LRRC4C: variants seen among roughly 807,000 people sequenced by gnomAD.
LRRC4C encodes leucine-rich repeat-containing protein 4C.
In LRRC4C, 5 loss-of-function variants were observed where a neutral mutation model predicts 33.6. That is an observed-to-expected ratio of 0.15 (90% CI 0.08 to 0.31). LRRC4C has a LOEUF of 0.31. Among genes scored for constraint, LRRC4C ranks in the 10% least tolerant of loss-of-function variants. The pLI is 1.00. For missense variants in LRRC4C, 560 were observed against 796.7 expected (o/e 0.70, Z 3.58); for synonymous variants, 329 against 302.0 (o/e 1.09, Z -0.93).
At chr11:40,672,947 C>T in intron 2 of LRRC4C, among the ~76,000 whole-genome samples, 1 of 151,810 alleles carries the variant, frequency 6.6e-6, no homozygotes, top group South Asian at 2.1e-4. Flanking sequence ...AAAAAATCTC[C>T]TAATTTTGTG....
At chr11:40,560,007 T>C (rs2135499133) in intron 3 of LRRC4C, among the ~76,000 whole-genome samples, 1 of 152,282 alleles carries the variant, frequency 6.6e-6, no homozygotes, top group East Asian at 1.9e-4. Context: ...TTGATCTTCT[T>C]AGAGTAACAG....
chr11:40,307,215 C>A (rs1175408503), intron 4 of LRRC4C, among the ~76,000 whole-genome samples: 1 of 151,986 alleles, frequency 6.6e-6, no homozygotes, highest in Non-Finnish European at 1.5e-5. Flanking sequence ...TTCTCTCCTC[C>A]CCACCGCTCC....
chr11:40,863,630 A>C (rs1954210418), intron 2 of LRRC4C, among the ~76,000 whole-genome samples: 1 of 152,152 alleles, frequency 6.6e-6, no homozygotes, highest in Admixed American at 6.5e-5. Flanking sequence ...AAATTTTGTG[A>C]GCCATATTTC....
chr11:41,106,926 T>A (rs1413525912), intron 1 of LRRC4C, among the ~76,000 whole-genome samples: 2 of 151,920 alleles, frequency 1.3e-5, no homozygotes, highest in African/African-American at 4.8e-5. Context: ...GGCAGGAGGA[T>A]CCCTTGAGTC....
At chr11:40,617,191 A>C (rs1194856277) in intron 3 of LRRC4C, among the ~76,000 whole-genome samples, 1 of 151,716 alleles carries the variant, frequency 6.6e-6, no homozygotes, top group South Asian at 2.1e-4. Context: ...TTCTCCTTTT[A>C]TTACACTTAG....
chr11:41,046,510 T>C (rs554215863), intron 1 of LRRC4C, among the ~76,000 whole-genome samples: 1 of 152,240 alleles, frequency 6.6e-6, no homozygotes, highest in East Asian at 1.9e-4. Flanking sequence ...AAGACATCAC[T>C]CTTGTTAAAA....
intron 3 of LRRC4C, among the ~76,000 whole-genome samples, chr11:40,642,979 A>C (rs1352140786): frequency 6.6e-6 from 1 of 152,240 alleles, no homozygotes; most frequent in East Asian, 1.9e-4. Flanking sequence ...CATTAAAGGC[A>C]ACCACAAATC....
intron 1 of LRRC4C, among the ~76,000 whole-genome samples, chr11:41,004,855 C>T (rs968085523): frequency 5.9e-5 from 9 of 152,050 alleles, no homozygotes; most frequent in Non-Finnish European, 1.3e-4. Flanking sequence ...ACCAATGGCT[C>T]TTATTAAAAT....
intron 2 of LRRC4C, among the ~76,000 whole-genome samples, chr11:40,771,155 G>T (rs1949740159): frequency 6.6e-6 from 1 of 152,164 alleles, no homozygotes; most frequent in Non-Finnish European, 1.5e-5. Context: ...TGGACATCCA[G>T]GCATTTCTAT....
chr11:40,435,359 C>T (rs919924896), intron 3 of LRRC4C, among the ~76,000 whole-genome samples: 6 of 152,194 alleles, frequency 3.9e-5, no homozygotes, highest in Admixed American at 2.6e-4. Context: ...GTTAATTTTA[C>T]CTGCTTCACA....
chr11:41,319,686 A>T (rs2137259496), intron 1 of LRRC4C, among the ~76,000 whole-genome samples: 1 of 152,150 alleles, frequency 6.6e-6, no homozygotes, highest in East Asian at 1.9e-4. Flanking sequence ...GAGAAACTAG[A>T]ACTACAGGTG....
chr11:41,016,271 G>C (rs1208194139), intron 1 of LRRC4C, among the ~76,000 whole-genome samples: 1 of 151,954 alleles, frequency 6.6e-6, no homozygotes, highest in Non-Finnish European at 1.5e-5. Context: ...TTCCCTTTAG[G>C]CAAGAGTGAA....
intron 2 of LRRC4C, among the ~76,000 whole-genome samples, chr11:40,896,461 A>G (rs1955943459): frequency 6.6e-6 from 1 of 152,154 alleles, no homozygotes; most frequent in South Asian, 2.1e-4. Context: ...TTCAGTGGAT[A>G]TTTTTGAAAT....
intron 2 of LRRC4C, among the ~76,000 whole-genome samples, chr11:40,658,042 C>A (rs1449326035): frequency 6.6e-6 from 1 of 152,228 alleles, no homozygotes; most frequent in Non-Finnish European, 1.5e-5. Flanking sequence ...AGTCTTTCCA[C>A]ATACCTGAAT....
At chr11:40,354,507 T>C (rs893526562) in intron 3 of LRRC4C, among the ~76,000 whole-genome samples, 4 of 152,090 alleles carry the variant, frequency 2.6e-5, no homozygotes, top group Non-Finnish European at 5.9e-5. Flanking sequence ...GGAATTTACG[T>C]GATGGTCTAT....
At chr11:40,987,886 T>C (rs1244590981) in intron 1 of LRRC4C, among the ~76,000 whole-genome samples, 1 of 151,848 alleles carries the variant, frequency 6.6e-6, no homozygotes, top group Admixed American at 6.6e-5. Flanking sequence ...TAATGATGTC[T>C]CAATTGAATT....
chr11:40,914,028 C>T (rs1305779246), intron 2 of LRRC4C, among the ~76,000 whole-genome samples: 1 of 152,138 alleles, frequency 6.6e-6, no homozygotes, highest in Non-Finnish European at 1.5e-5. Context: ...TGACCAAAAA[C>T]AGGCTCTGAA....
At chr11:40,968,558 A>T (rs1851509420) in intron 1 of LRRC4C, among the ~76,000 whole-genome samples, 1 of 152,130 alleles carries the variant, frequency 6.6e-6, no homozygotes. Context: ...TGACTCTCCT[A>T]TTAGGGGCCA....
chr11:40,562,038 G>A (rs1359754628), intron 3 of LRRC4C, among the ~76,000 whole-genome samples: 1 of 152,128 alleles, frequency 6.6e-6, no homozygotes, highest in Non-Finnish European at 1.5e-5. Context: ...CACCCACATA[G>A]GTGGTCTAGA....
Sources: gnomAD v4.1 joint callset for allele counts (sites outside exome capture counted in the v4.1 genomes callset) on GRCh38, gnomAD v4.1.1 for gene constraint, MANE v1.5 for transcripts, NCBI Gene and HGNC (gene_info 2026-07-23, HGNC 2026-07-21) for gene names.